The following TASP1 variants were observed in gnomAD, a reference collection of about 807,000 sequenced individuals.
TASP1 encodes the protein threonine aspartase 1.
TASP1 carries 16 observed loss-of-function variants against 56.6 expected under a neutral mutation model. The ratio of observed to expected loss-of-function variants is 0.28; its 90% confidence interval spans 0.19 to 0.43. The LOEUF (loss-of-function observed/expected upper bound fraction) is 0.43. Among genes scored for constraint, TASP1 ranks in the 20% least tolerant of loss-of-function variants. The probability of loss-of-function intolerance (pLI) is 1.00; values close to 1 mark genes in which losing one functional copy is unlikely to be tolerated. For missense variants in TASP1, 393 were observed against 511.6 expected (o/e 0.77, Z 2.24); for synonymous variants, 179 against 184.2 (o/e 0.97, Z 0.23).
chr20:13,523,800 G>T (rs980774282), intron 10 of TASP1, among the ~76,000 whole-genome samples: 9 of 152,078 alleles, frequency 5.9e-5, no homozygotes, highest in African/African-American at 2.2e-4. Flanking sequence ...CAAGGTAGTA[G>T]GTCTTTCTTC....
At chr20:13,152,624 A>C in the TASP1 span, among the ~76,000 whole-genome samples, 1 of 152,298 alleles carries the variant, frequency 6.6e-6, no homozygotes, top group Non-Finnish European at 1.5e-5. Flanking sequence ...AGTGGATCTA[A>C]AAGAAAGACT....
chr20:13,254,211 C>T, the TASP1 span, among the ~76,000 whole-genome samples: 1 of 151,252 alleles, frequency 6.6e-6, no homozygotes, highest in East Asian at 1.9e-4. Context: ...CCAGCCTGGG[C>T]GACAGAGCAA....
chr20:13,187,810 G>T, the TASP1 span, among the ~76,000 whole-genome samples: 1 of 143,328 alleles, frequency 7.0e-6, no homozygotes, highest in Admixed American at 7.0e-5. Flanking sequence ...ACCTAAAGAA[G>T]AACAAGGATA....
the TASP1 span, among the ~76,000 whole-genome samples, chr20:13,111,508 A>G: frequency 6.6e-6 from 1 of 152,214 alleles, no homozygotes; most frequent in Non-Finnish European, 1.5e-5. Context: ...CAAAATGTCG[A>G]TAGTGCTAAG....
At chr20:13,393,830 A>C (rs1463293211) in intron 13 of TASP1, among the ~76,000 whole-genome samples, 3 of 151,636 alleles carry the variant, frequency 2.0e-5, no homozygotes, top group Non-Finnish European at 4.4e-5. Context: ...GGGCCTAGGG[A>C]GCCCCACCCT....
At chr20:13,571,885 T>C (rs999150957) in intron 6 of TASP1, among the ~76,000 whole-genome samples, 4 of 152,070 alleles carry the variant, frequency 2.6e-5, no homozygotes, top group Non-Finnish European at 5.9e-5. Context: ...CTCAGGGTCT[T>C]CACCCTGAAT....
At chr20:13,174,535 A>G in the TASP1 span, among the ~76,000 whole-genome samples, 2 of 151,982 alleles carry the variant, frequency 1.3e-5, no homozygotes, top group African/African-American at 4.8e-5. Context: ...CCATATCTAC[A>G]AAAAATTTAA....
At chr20:13,289,485 G>A in the TASP1 span, among the ~76,000 whole-genome samples, 2 of 152,212 alleles carry the variant, frequency 1.3e-5, no homozygotes, top group African/African-American at 4.8e-5. Context: ...TTGGTGAGAG[G>A]TCATGTTGAG....
At chr20:13,136,128 T>C in the TASP1 span, among the ~76,000 whole-genome samples, 2 of 152,196 alleles carry the variant, frequency 1.3e-5, no homozygotes, top group Non-Finnish European at 2.9e-5. Flanking sequence ...CTATTTTTCT[T>C]CAAAGTCACA....
chr20:13,109,565 T>A, the TASP1 span, among the ~76,000 whole-genome samples: 1 of 152,238 alleles, frequency 6.6e-6, no homozygotes, highest in Non-Finnish European at 1.5e-5. Context: ...CTGTGAGCTA[T>A]TATTGTGTTC....
chr20:13,306,448 T>A, the TASP1 span, among the ~76,000 whole-genome samples: 1 of 152,018 alleles, frequency 6.6e-6, no homozygotes, highest in East Asian at 1.9e-4. Flanking sequence ...GGTTTTGCTT[T>A]GTCTAGTTAT....
chr20:13,374,318 T>A, the TASP1 span, among the ~76,000 whole-genome samples: 1 of 151,854 alleles, frequency 6.6e-6, no homozygotes, highest in African/African-American at 2.4e-5. Context: ...AAATAACAAG[T>A]CACTGTTCCT....
chr20:13,332,061 G>A, the TASP1 span, among the ~76,000 whole-genome samples: 3 of 152,034 alleles, frequency 2.0e-5, no homozygotes, highest in African/African-American at 4.8e-5. Flanking sequence ...TTCTTTCCTT[G>A]GGCCATGGCA....
the TASP1 span, among the ~76,000 whole-genome samples, chr20:13,277,783 G>A: frequency 1.3e-5 from 2 of 152,044 alleles, no homozygotes; most frequent in East Asian, 1.9e-4. Flanking sequence ...CCGTGACAGA[G>A]GAGAAGGGTG....
chr20:13,384,710 C>T (rs2041151813), downstream of TASP1, among the ~76,000 whole-genome samples: 1 of 152,214 alleles, frequency 6.6e-6, no homozygotes, highest in African/African-American at 2.4e-5. Context: ...CTATAGCCCA[C>T]TACATTTACC....
At chr20:13,180,155 C>T in the TASP1 span, among the ~76,000 whole-genome samples, 1 of 152,270 alleles carries the variant, frequency 6.6e-6, no homozygotes, top group South Asian at 2.1e-4. Context: ...TAAATTCTGC[C>T]TTGGACTGTA....
chr20:13,504,002 C>T (rs2044041595), intron 10 of TASP1, among the ~76,000 whole-genome samples: 1 of 151,448 alleles, frequency 6.6e-6, no homozygotes, highest in Non-Finnish European at 1.5e-5. Context: ...GAAGTTCAAA[C>T]AGGAGAAGAG....
chr20:13,145,887 G>A, the TASP1 span, among the ~76,000 whole-genome samples: 1 of 152,094 alleles, frequency 6.6e-6, no homozygotes, highest in Admixed American at 6.5e-5. Context: ...CAAGTAATGG[G>A]GAAAGGACTC....
chr20:13,587,165 G>T, intron 5 of TASP1, 85 bp downstream of exon 5: 1 of 1,454,002 alleles, frequency 6.9e-7, no homozygotes. Flanking sequence ...CAGAAATGGT[G>T]AAAAAGACTG....
Sources: gnomAD v4.1 joint callset for allele counts (sites outside exome capture counted in the v4.1 genomes callset) on GRCh38, gnomAD v4.1.1 for gene constraint, MANE v1.5 for transcripts, NCBI Gene and HGNC (gene_info 2026-07-23, HGNC 2026-07-21) for gene names.